PKP4: variants seen among roughly 807,000 people sequenced by gnomAD.
PKP4 encodes plakophilin 4.
PKP4 carries 90 observed loss-of-function variants against 145.1 expected under a neutral mutation model. The observed-to-expected ratio is 0.62, with a 90% confidence interval of 0.52 to 0.74. The LOEUF (loss-of-function observed/expected upper bound fraction) is 0.74, where lower values mean the gene tolerates loss of function less well. Among genes scored for constraint, PKP4 ranks in the 30% least tolerant of loss-of-function variants. PKP4 has a pLI of 0.00. For synonymous variants in PKP4, 563 were observed against 577.2 expected, an observed-to-expected ratio of 0.98 and a Z score of 0.35; for missense variants, 1,340 against 1,482.7, an observed-to-expected ratio of 0.90 and a Z score of 1.58.
At chr2:158,609,730 A>G (rs1299117112) in intron 4 of PKP4, among the ~76,000 whole-genome samples, 1 of 152,244 alleles carries the variant, frequency 6.6e-6, no homozygotes, top group East Asian at 1.9e-4. Context: ...AACCTACTGC[A>G]GCATCATTTT....
intron 1 of PKP4, among the ~76,000 whole-genome samples, chr2:158,470,987 G>A (rs1442839917): frequency 6.6e-6 from 1 of 152,084 alleles, no homozygotes; most frequent in Non-Finnish European, 1.5e-5. Context: ...GTATTGTTAA[G>A]CCATCCCAAT....
At chr2:158,530,900 A>G (rs1210753906) in intron 1 of PKP4, among the ~76,000 whole-genome samples, 1 of 152,066 alleles carries the variant, frequency 6.6e-6, no homozygotes, top group African/African-American at 2.4e-5. Flanking sequence ...GCATTATATT[A>G]GTTTCTTTTA....
At chr2:158,669,482 T>C (rs998390203) in intron 16 of PKP4, 25 of 346,444 alleles carry the variant, frequency 7.2e-5, no homozygotes, top group Non-Finnish European at 1.0e-4. Flanking sequence ...CTTTCAGCAA[T>C]TGACAGTAAT....
intron 12 of PKP4, 103 bp downstream of exon 12, chr2:158,658,417 T>G: frequency 1.4e-6 from 1 of 711,364 alleles, no homozygotes; most frequent in Non-Finnish European, 2.3e-6. Flanking sequence ...TATCTAAGTT[T>G]CCAGTTTTTA....
At chr2:158,522,933 A>C (rs1003363358) in intron 1 of PKP4, among the ~76,000 whole-genome samples, 40 of 152,102 alleles carry the variant, frequency 2.6e-4, no homozygotes, top group African/African-American at 9.4e-4. Context: ...CGGCTTAAAA[A>C]ACGGCGCACC....
chr2:158,680,624 C>G lies in PKP4; in HGVS notation c.3526C>G (p.Arg1176Gly). ...TTATGTAGACTTTTATTCCACTAAA[C>G]GACCTTCTTATAGAGCAGAACAGTA... ...TNYVDFYSTK[R>G]PSYRAEQYPG... Residue 1176 changes from arginine (R) to glycine (G), a missense_variant, in exon 22 of 22, where the codon CGA becomes GGA. By Grantham distance (125) the Arg-to-Gly change is moderately radical (BLOSUM62 -2). Transcript: ENST00000389759. The G allele has an allele frequency of 6.2e-7, 1 of 1,613,804 alleles. No homozygotes were observed. The highest frequency in any genetic ancestry group is 8.5e-7 in the Non-Finnish European group (1 of 1,179,732).
intron 3 of PKP4, among the ~76,000 whole-genome samples, chr2:158,583,989 A>C (rs532143649): frequency 6.6e-6 from 1 of 152,290 alleles, no homozygotes; most frequent in Admixed American, 6.5e-5. Flanking sequence ...GTTTAGCGCC[A>C]GGTTCCCAAC....
chr2:158,674,020 T>C lies in PKP4; in HGVS notation c.3127+20T>C, dbSNP rs1191886359. 9 of 1,287,968 alleles carry C rather than the reference T, an allele frequency of 7.0e-6. No homozygotes were observed. Among genetic ancestry groups the C allele is most frequent in the Non-Finnish European group, 1.0e-5 (9 of 881,884 alleles). 79.8% of individuals were successfully genotyped at this position (1,287,968 alleles called of 1,614,324 possible). A position where few individuals can be genotyped will look rare whatever the true frequency, so the allele number is the denominator to read the frequency against. ...AGTCAGGTCAGTGGGAAAATGCCAC[T>C]CCTTGGCGAGAACCTTTGTGTGACA... On this transcript the variant is annotated intron_variant, in intron 19 of 21. Coordinates refer to ENST00000389759, the MANE Select transcript of PKP4 (RefSeq NM_003628.6).
At chr2:158,600,563 C>T (rs1226094922) in intron 3 of PKP4, among the ~76,000 whole-genome samples, 1 of 152,150 alleles carries the variant, frequency 6.6e-6, no homozygotes, top group Non-Finnish European at 1.5e-5. Flanking sequence ...GAACAATTGC[C>T]TTTGGTGGTT....
intron 4 of PKP4, among the ~76,000 whole-genome samples, chr2:158,606,584 A>G (rs1342863332): frequency 2.0e-5 from 3 of 152,230 alleles, no homozygotes; most frequent in Non-Finnish European, 4.4e-5. Context: ...AAAAGTGGAT[A>G]AAATTACTTA....
intron 11 of PKP4, among the ~76,000 whole-genome samples, chr2:158,649,434 T>A (rs1186014477): frequency 6.6e-6 from 1 of 152,194 alleles, no homozygotes; most frequent in Non-Finnish European, 1.5e-5. Flanking sequence ...AACTACTCTC[T>A]GAATTTTACC....
intron 17 of PKP4, among the ~76,000 whole-genome samples, 179 bp downstream of exon 17, chr2:158,670,094 G>C (rs1268042136): frequency 2.6e-5 from 4 of 152,166 alleles, no homozygotes. Context: ...AGTGTTTTCT[G>C]TTATGGGGCC....
chr2:158,500,252 G>A (rs1696350931), intron 1 of PKP4, among the ~76,000 whole-genome samples: 2 of 152,134 alleles, frequency 1.3e-5, no homozygotes, highest in Admixed American at 6.5e-5. Context: ...GCAAATGAGG[G>A]CCCCAGTGTT....
intron 1 of PKP4, among the ~76,000 whole-genome samples, chr2:158,520,713 C>A (rs1382967628): frequency 6.6e-6 from 1 of 152,238 alleles, no homozygotes; most frequent in Admixed American, 6.5e-5. Flanking sequence ...ACAGCCCCCT[C>A]TCTCCACAGA....
At chr2:158,603,244 G>A (rs2050373412) in intron 4 of PKP4, 140 bp downstream of exon 4, 1 of 447,236 alleles carries the variant, frequency 2.2e-6, no homozygotes, top group Non-Finnish European at 4.1e-6. Flanking sequence ...CTTTGGAATA[G>A]TACTTAATAT....
At chr2:158,501,249 G>A (rs1256089309) in intron 1 of PKP4, among the ~76,000 whole-genome samples, 4 of 152,186 alleles carry the variant, frequency 2.6e-5, no homozygotes, top group African/African-American at 7.2e-5. Context: ...ATTACCAATG[G>A]TAACCGCTCA....
At chr2:158,582,598 G>A (rs185541951) in intron 3 of PKP4, among the ~76,000 whole-genome samples, 76 of 152,246 alleles carry the variant, frequency 5.0e-4, no homozygotes, top group African/African-American at 1.7e-3. Flanking sequence ...AACAAACTAG[G>A]TTGCTCAGGA....
Position 158,673,888 on chromosome 2 carries a change from G to A in PKP4, c.3015G>A (p.Gly1005=), listed in dbSNP as rs753437999. 3.6e-5 allele frequency: 57 copies of A among 1,601,752 alleles called. No individual in the cohort carries two copies. Among genetic ancestry groups the A allele is most frequent in the Non-Finnish European group, 4.6e-5 (54 of 1,168,748 alleles). The change falls in exon 19 of 22, where the codon GGG becomes GGA. Residue 1005 remains glycine, a synonymous_variant. Transcript: ENST00000389759. ...TTTTTCTCTTAACTCTGCAGGATGGGTGGAATCAGAACCATTTTATTACAC... is the reference window on the plus strand; with the variant it reads ...TTTTTCTCTTAACTCTGCAGGATGGATGGAATCAGAACCATTTTATTACAC... The part of the protein sequence containing the change: ...RDLRSIYKKD[G]WNQNHFITPV...
intron 6 of PKP4, among the ~76,000 whole-genome samples, chr2:158,624,061 C>T (rs1194058991): frequency 6.6e-6 from 1 of 152,118 alleles, no homozygotes; most frequent in African/African-American, 2.4e-5. Context: ...CTGTCTAGGC[C>T]AAGAACCCAA....
Sources: allele counts gnomAD v4.1 joint callset (sites outside exome capture counted in the v4.1 genomes callset), GRCh38; gene constraint gnomAD v4.1.1; transcripts MANE v1.5; gene names NCBI Gene and HGNC (gene_info 2026-07-23, HGNC 2026-07-21).